Variants in TNFRSF19 observed in about 807,000 individuals in gnomAD.
TNFRSF19 encodes the protein tumor necrosis factor receptor superfamily member 19.
In TNFRSF19, 27 loss-of-function variants were observed where a neutral mutation model predicts 46.4. The observed-to-expected ratio is 0.58, with a 90% CI of 0.43 to 0.80. The LOEUF (loss-of-function observed/expected upper bound fraction) is 0.80, where lower values mean the gene tolerates loss of function less well. Among genes scored for constraint, TNFRSF19 ranks in the 30% least tolerant of loss-of-function variants. The pLI, the probability that TNFRSF19 is intolerant of heterozygous loss-of-function variation, is 0.00. For synonymous variants in TNFRSF19, 204 were observed against 205.0 expected (o/e 1.00, Z 0.04); for missense variants, 511 against 530.8 (o/e 0.96, Z 0.37).
intron 5 of TNFRSF19, among the ~76,000 whole-genome samples, chr13:23,655,188 AC>A (rs1883902563): frequency 6.6e-6 from 1 of 152,278 alleles, no homozygotes; most frequent in African/African-American, 2.4e-5. Context: ...TTTTCCTCAA[AC>A]TTTTTTAATG....
chr13:23,658,550 G>A (rs1884132057), intron 5 of TNFRSF19, among the ~76,000 whole-genome samples: 1 of 152,214 alleles, frequency 6.6e-6, no homozygotes, highest in Non-Finnish European at 1.5e-5. Context: ...GATGTTTACT[G>A]TCTCAAAAAC....
intron 5 of TNFRSF19, among the ~76,000 whole-genome samples, chr13:23,627,952 A>G (rs763659324): frequency 2.0e-5 from 3 of 152,258 alleles, no homozygotes; most frequent in Admixed American, 1.3e-4. Flanking sequence ...TATAGAAAAC[A>G]TATATCGATC....
chr13:23,634,619 G>C (rs1249938177), intron 5 of TNFRSF19, among the ~76,000 whole-genome samples: 2 of 152,230 alleles, frequency 1.3e-5, no homozygotes, highest in Non-Finnish European at 2.9e-5. Flanking sequence ...TCAGTGATTT[G>C]TGTGTGTCCC....
At chr13:23,579,609 A>C (rs1878245145) in intron 1 of TNFRSF19, 1 of 151,266 alleles carries the variant, frequency 6.6e-6, no homozygotes, top group South Asian at 2.1e-4. Flanking sequence ...GCTGGGTGGG[A>C]GCCGGGAGTG....
At chr13:23,632,254 G>T (rs1266071020) in intron 5 of TNFRSF19, among the ~76,000 whole-genome samples, 1 of 152,162 alleles carries the variant, frequency 6.6e-6, no homozygotes, top group Non-Finnish European at 1.5e-5. Context: ...GCCTTGCTTT[G>T]GGTATTGTTT....
chr13:23,572,096 CTT>C (rs1043491432), intron 1 of TNFRSF19, among the ~76,000 whole-genome samples: 69 of 152,186 alleles, frequency 4.5e-4, no homozygotes, highest in African/African-American at 1.4e-3. Context: ...ACACTTTCCT[CTT>C]GATACTAGAA....
intron 5 of TNFRSF19, among the ~76,000 whole-genome samples, chr13:23,632,705 C>A (rs1211897172): frequency 6.6e-6 from 1 of 152,230 alleles, no homozygotes; most frequent in Non-Finnish European, 1.5e-5. Flanking sequence ...AACCAGGTCT[C>A]CCCACAGAGT....
chr13:23,618,704 T>C (rs1043445711), intron 4 of TNFRSF19, among the ~76,000 whole-genome samples: 1 of 152,194 alleles, frequency 6.6e-6, no homozygotes, highest in African/African-American at 2.4e-5. Context: ...CACAAAAACT[T>C]GTACACTAGT....
intron 9 of TNFRSF19, 133 bp downstream of exon 9, chr13:23,669,230 A>G (rs1482099867): frequency 7.8e-6 from 11 of 1,418,130 alleles, no homozygotes; most frequent in Non-Finnish European, 7.3e-6. Flanking sequence ...TGTATGTTGT[A>G]GAGTATGTTT....
At chr13:23,575,441 T>G (rs1877890975) in intron 1 of TNFRSF19, among the ~76,000 whole-genome samples, 1 of 152,186 alleles carries the variant, frequency 6.6e-6, no homozygotes, top group South Asian at 2.1e-4. Flanking sequence ...CTTTGTTAAT[T>G]AACTTGGTGT....
At position 23,675,268 on chromosome 13, in the gene TNFRSF19, T is replaced by C. The variant is rs1375217743; in HGVS notation, c.*1888T>C. The C allele has an allele frequency of 1.3e-5, 2 of 151,578 alleles. No homozygotes were observed. The highest frequency in any genetic ancestry group is 6.5e-5 in the Admixed American group (1 of 15,270). 9.4% of individuals were successfully genotyped at this position (151,578 alleles called of 1,614,324 possible). A position where few individuals can be genotyped will look rare whatever the true frequency, so the allele number is the denominator to read the frequency against. ...ATCTGGTCTGTTTGCATTTCTGTTA[T>C]GACAGAGAGATGATGTTTGCATTTC... On this transcript the variant is annotated 3_prime_UTR_variant, in exon 10 of 10. Transcript: ENST00000248484.
chr13:23,675,600 T>A lies in TNFRSF19; in HGVS notation c.*2220T>A, dbSNP rs1951817969. The A allele has an allele frequency of 6.6e-6, 1 of 152,214 alleles. No individual in the cohort carries two copies. The highest frequency in any genetic ancestry group is 2.4e-5 in the African/African-American group (1 of 41,456). The allele number at this position is 152,214 out of a possible 1,614,324, so 9.4% of individuals were successfully genotyped here. The stretch of plus-strand genomic sequence containing the variant: ...TATACAACAATGTTATATTTTACAC[T>A]CCTTGGAAACATTTGAGGAAAAAAA... On this transcript the variant is annotated 3_prime_UTR_variant, in exon 10 of 10. Coordinates refer to ENST00000248484, the MANE Select transcript of TNFRSF19 (RefSeq NM_148957.4).
chr13:23,640,718 G>A (rs543225398), intron 5 of TNFRSF19, among the ~76,000 whole-genome samples: 2 of 152,300 alleles, frequency 1.3e-5, no homozygotes, highest in South Asian at 4.1e-4. Context: ...TGTCTACAAA[G>A]AGAATTCTCA....
At chr13:23,591,280 T>G (rs965161868) in intron 2 of TNFRSF19, among the ~76,000 whole-genome samples, 9 of 152,016 alleles carry the variant, frequency 5.9e-5, no homozygotes, top group African/African-American at 2.2e-4. Flanking sequence ...TGGTGAGACC[T>G]CATTGTTACT....
chr13:23,611,149 C>T (rs1048669679), intron 3 of TNFRSF19, among the ~76,000 whole-genome samples: 3 of 150,062 alleles, frequency 2.0e-5, no homozygotes, highest in African/African-American at 7.4e-5. Context: ...CACACACACA[C>T]ACTCCTTCTC....
intron 4 of TNFRSF19, among the ~76,000 whole-genome samples, chr13:23,616,636 G>A (rs1212824896): frequency 2.0e-5 from 3 of 152,196 alleles, no homozygotes; most frequent in African/African-American, 7.2e-5. Context: ...AGGCTGGAGT[G>A]CAATGGCGCA....
At chr13:23,641,007 T>C (rs1218831023) in intron 5 of TNFRSF19, among the ~76,000 whole-genome samples, 4 of 152,224 alleles carry the variant, frequency 2.6e-5, no homozygotes, top group Non-Finnish European at 5.9e-5. Context: ...CAGGTCGTAG[T>C]GCCCAAGCAG....
At chr13:23,621,168 A>T (rs1374515920) in intron 4 of TNFRSF19, among the ~76,000 whole-genome samples, 1 of 151,892 alleles carries the variant, frequency 6.6e-6, no homozygotes, top group Non-Finnish European at 1.5e-5. Context: ...CCCTCAGCAG[A>T]CCCCTTGCTC....
Position 23,659,163 on chromosome 13 carries a change from A to G in TNFRSF19, c.559A>G (p.Ile187Val), listed in dbSNP as rs202190525. The change falls in exon 6 of 10, where the codon ATC becomes GTC. Residue 187 changes from isoleucine (I) to valine (V), a missense_variant. Physicochemically the swap from Ile to Val is conservative, Grantham distance 29 (BLOSUM62 3). This residue lies in a region of TNFRSF19 where 376 missense variants were observed against 372.7 expected (regional missense o/e 1.01). Transcript: ENST00000248484. This position sits in a 1 kb window ranked among gnomAD's most constrained non-coding sequence, Gnocchi z 4.9. ...GGCCACCGTCCTGCTGGCCCTGCTC[A>G]TCCTCTGTGTCATCTATTGTAAGAG... ...ALATVLLALL[I>V]LCVIYCKRQF... 3.7e-5 allele frequency: 60 copies of G among 1,614,026 alleles called. No homozygotes were observed. Among genetic ancestry groups the G allele is most frequent in the Non-Finnish European group, 4.1e-5 (48 of 1,180,022 alleles).
Sources: gnomAD v4.1 joint callset for allele counts (sites outside exome capture counted in the v4.1 genomes callset) on GRCh38, gnomAD v4.1.1 for gene constraint, gnomAD v4.1.1 regional missense constraint, Gnocchi (gnomAD v3.1) non-coding constraint, MANE v1.5 for transcripts, NCBI Gene and HGNC (gene_info 2026-07-23, HGNC 2026-07-21) for gene names.